MBD5: variants seen among roughly 807,000 people sequenced by gnomAD.
The protein encoded by MBD5 is methyl-CpG-binding domain protein 5.
A neutral mutation model predicts 117.3 loss-of-function variants in MBD5; 13 were observed. That is an observed-to-expected ratio of 0.11 (90% confidence interval 0.07 to 0.18). The LOEUF (loss-of-function observed/expected upper bound fraction) is 0.18, where lower values mean the gene tolerates loss of function less well. MBD5 is among the 10% of genes least tolerant of loss of function. The pLI, the probability that MBD5 is intolerant of heterozygous loss-of-function variation, is 1.00. For synonymous variants in MBD5, 727 were observed against 766.4 expected (o/e 0.95, Z 0.85); for missense variants, 1,879 against 2,093.8 (o/e 0.90, Z 2.00).
At chr2:148,080,874 C>G (rs186456039) in intron 1 of MBD5, among the ~76,000 whole-genome samples, 1 of 152,092 alleles carries the variant, frequency 6.6e-6, no homozygotes, top group East Asian at 1.9e-4. Flanking sequence ...AAGATAAGAG[C>G]CTTTTTTCTT....
chr2:148,475,001 TC>T (rs1200639744), intron 8 of MBD5, among the ~76,000 whole-genome samples: 2 of 152,146 alleles, frequency 1.3e-5, no homozygotes, highest in African/African-American at 4.8e-5. Flanking sequence ...ATAAAAATGC[TC>T]AAGGGTGGAT....
intron 2 of MBD5, among the ~76,000 whole-genome samples, chr2:148,212,437 A>G (rs1156942802): frequency 6.6e-6 from 1 of 152,204 alleles, no homozygotes; most frequent in Non-Finnish European, 1.5e-5. Context: ...ATAATGTTCT[A>G]TTATATAGAT....
intron 1 of MBD5, among the ~76,000 whole-genome samples, chr2:148,147,505 G>A (rs1697498413): frequency 6.6e-6 from 1 of 152,114 alleles, no homozygotes; most frequent in Non-Finnish European, 1.5e-5. Context: ...CCCTCAAAGT[G>A]CTGGTATTAC....
intron 1 of MBD5, among the ~76,000 whole-genome samples, chr2:148,150,787 A>G (rs1213461184): frequency 6.6e-6 from 1 of 152,080 alleles, no homozygotes; most frequent in African/African-American, 2.4e-5. Context: ...TTCTACATTC[A>G]TTTTGTATCC....
intron 4 of MBD5, among the ~76,000 whole-genome samples, chr2:148,411,070 C>G (rs1412505566): frequency 6.6e-6 from 1 of 152,104 alleles, no homozygotes; most frequent in East Asian, 1.9e-4. Context: ...TCCCTGTGTA[C>G]TCAATGGTTA....
chr2:148,099,273 C>A (rs1054581330), intron 1 of MBD5, among the ~76,000 whole-genome samples: 11 of 152,050 alleles, frequency 7.2e-5, no homozygotes, highest in Non-Finnish European at 1.5e-4. Context: ...AGAAAGTAAT[C>A]TTGGAATCTT....
At chr2:148,180,824 C>T (rs1046425192) in intron 2 of MBD5, among the ~76,000 whole-genome samples, 1 of 152,164 alleles carries the variant, frequency 6.6e-6, no homozygotes, top group East Asian at 1.9e-4. Flanking sequence ...ATTTTCCAGT[C>T]TCATTCTCCT....
intron 4 of MBD5, among the ~76,000 whole-genome samples, chr2:148,427,953 C>G (rs1316641801): frequency 1.3e-5 from 2 of 152,112 alleles, no homozygotes; most frequent in Admixed American, 6.6e-5. Flanking sequence ...GATGCCCTCT[C>G]TCACCATTCC....
At chr2:148,485,677 C>T in intron 9 of MBD5, 65 bp from the exon 10 acceptor site, 2 of 1,240,414 alleles carry the variant, frequency 1.6e-6, no homozygotes, top group Non-Finnish European at 2.3e-6. Flanking sequence ...TTCTCGGGTA[C>T]AAAGAGAGGC....
chr2:148,026,133 A>T (rs565856334), intron 1 of MBD5: 1 of 152,298 alleles, frequency 6.6e-6, no homozygotes, highest in East Asian at 1.9e-4. Context: ...GTGAATTCTG[A>T]TCTCTTTCAC....
At chr2:148,119,404 TAC>T (rs1410042418) in intron 1 of MBD5, among the ~76,000 whole-genome samples, 2 of 152,328 alleles carry the variant, frequency 1.3e-5, no homozygotes, top group African/African-American at 4.8e-5. Flanking sequence ...GTATTTTGAT[TAC>T]AAGTTTTTTA....
intron 1 of MBD5, among the ~76,000 whole-genome samples, chr2:148,155,634 C>G (rs1256142811): frequency 1.3e-5 from 2 of 152,194 alleles, no homozygotes; most frequent in Non-Finnish European, 2.9e-5. Flanking sequence ...GGTCACCCAG[C>G]TGGTCTGCTG....
chr2:148,113,952 A>G (rs992227190), intron 1 of MBD5, among the ~76,000 whole-genome samples: 2 of 152,094 alleles, frequency 1.3e-5, no homozygotes, highest in Admixed American at 6.5e-5. Context: ...CATCAACAGT[A>G]TATTGTGAAC....
chr2:148,195,672 TA>T (rs1428225497), intron 2 of MBD5, among the ~76,000 whole-genome samples: 35 of 152,316 alleles, frequency 2.3e-4, no homozygotes, highest in African/African-American at 8.4e-4. Flanking sequence ...AATAAATTTT[TA>T]AAGATTGAAG....
intron 1 of MBD5, among the ~76,000 whole-genome samples, chr2:148,146,342 T>G (rs1196138545): frequency 6.6e-6 from 1 of 152,110 alleles, no homozygotes; most frequent in Non-Finnish European, 1.5e-5. Flanking sequence ...CACTGCAGCC[T>G]CAACCTCCCT....
chr2:148,325,877 GC>G (rs1254842383), intron 3 of MBD5, among the ~76,000 whole-genome samples: 4 of 152,076 alleles, frequency 2.6e-5, no homozygotes, highest in Non-Finnish European at 5.9e-5. Flanking sequence ...CCTTCAGCTA[GC>G]TTTTGAATGT....
At chr2:148,043,549 G>T (rs909946269) in intron 1 of MBD5, among the ~76,000 whole-genome samples, 4 of 152,072 alleles carry the variant, frequency 2.6e-5, no homozygotes, top group Admixed American at 1.3e-4. Flanking sequence ...TTGCCTGATG[G>T]TTCTCTTTCC....
intron 4 of MBD5, among the ~76,000 whole-genome samples, chr2:148,412,275 TGTG>T (rs1559060290): frequency 5.2e-4 from 35 of 66,992 alleles, no homozygotes; most frequent in African/African-American, 1.7e-3. Flanking sequence ...ATACTTTTTG[TGTG>T]TGTGTGTGTG....
At chr2:148,042,779 C>T (rs1244098359) in intron 1 of MBD5, among the ~76,000 whole-genome samples, 1 of 152,008 alleles carries the variant, frequency 6.6e-6, no homozygotes, top group Non-Finnish European at 1.5e-5. Context: ...ACTACCTGTA[C>T]ATCTGAAAAA....
Sources: allele counts gnomAD v4.1 joint callset (sites outside exome capture counted in the v4.1 genomes callset), GRCh38; gene constraint gnomAD v4.1.1; transcripts MANE v1.5; gene names NCBI Gene and HGNC (gene_info 2026-07-23, HGNC 2026-07-21).